AKAP13: variants seen among roughly 807,000 people sequenced by gnomAD.
AKAP13 encodes A-kinase anchoring protein 13.
AKAP13 carries 80 observed loss-of-function variants against 264.5 expected under a neutral mutation model. The observed-to-expected ratio is 0.30, with a 90% confidence interval of 0.25 to 0.36. AKAP13 has a LOEUF of 0.36. Ranked by LOEUF, AKAP13 falls within the 10% of genes least tolerant of loss-of-function variation. The pLI is 1.00. For missense variants in AKAP13, 3,712 were observed against 3,435.2 expected, an observed-to-expected ratio of 1.08 and a Z score of -2.01; for synonymous variants, 1,380 against 1,250.2, an observed-to-expected ratio of 1.10 and a Z score of -2.19.
At chr15:85,422,451 A>G (rs2072567089) in intron 1 of AKAP13, among the ~76,000 whole-genome samples, 1 of 152,216 alleles carries the variant, frequency 6.6e-6, no homozygotes, top group African/African-American at 2.4e-5. Context: ...TACTCTGTTC[A>G]GTTTTCAAGT....
chr15:85,587,508 A>G (rs904187307), intron 8 of AKAP13, among the ~76,000 whole-genome samples: 8 of 152,222 alleles, frequency 5.3e-5, no homozygotes, highest in Non-Finnish European at 8.8e-5. Context: ...TTTGTGTACA[A>G]AATTATGTGG....
At chr15:85,620,312 G>A in intron 8 of AKAP13, 1 of 757,422 alleles carries the variant, frequency 1.3e-6, no homozygotes, top group Admixed American at 2.6e-5. Flanking sequence ...AGGGGTGAAT[G>A]TAAGCCTCTT....
At chr15:85,593,924 T>G (rs938050881) in intron 8 of AKAP13, among the ~76,000 whole-genome samples, 1 of 152,238 alleles carries the variant, frequency 6.6e-6, no homozygotes, top group African/African-American at 2.4e-5. Context: ...TTTGATTCAT[T>G]TATTTAGAGG....
intron 2 of AKAP13, among the ~76,000 whole-genome samples, chr15:85,499,534 A>C (rs1427568451): frequency 6.6e-6 from 1 of 152,176 alleles, no homozygotes; most frequent in East Asian, 1.9e-4. Context: ...ATCCCTAGCC[A>C]TGGATCCCGT....
chr15:85,661,582 G>A (rs2083347811), intron 12 of AKAP13, among the ~76,000 whole-genome samples: 2 of 152,096 alleles, frequency 1.3e-5, no homozygotes, highest in South Asian at 2.1e-4. Context: ...TTAGCTGGGT[G>A]TGGTGGTGCA....
At chr15:85,641,445 C>CAAATAAAT (rs199664618) in intron 9 of AKAP13, among the ~76,000 whole-genome samples, 89 of 97,412 alleles carry the variant, frequency 9.1e-4, no homozygotes, top group African/African-American at 1.9e-3. Context: ...GACTCCATCT[C>CAAATAAAT]AAATAAATAA....
chr15:85,585,877 C>A (rs778304144), intron 8 of AKAP13, 54 bp downstream of exon 8: 135 of 1,591,426 alleles, frequency 8.5e-5, no homozygotes, highest in Non-Finnish European at 1.1e-4. Context: ...TCCTGTTCTG[C>A]TGTGTCTTAT....
intron 1 of AKAP13, among the ~76,000 whole-genome samples, chr15:85,385,052 T>A (rs1401716453): frequency 6.6e-6 from 1 of 152,226 alleles, no homozygotes; most frequent in Non-Finnish European, 1.5e-5. Context: ...TTTATGTCAC[T>A]CTGTAAGCTC....
chr15:85,694,444 GAGT>G (rs1215589600), intron 17 of AKAP13, among the ~76,000 whole-genome samples: 1 of 152,222 alleles, frequency 6.6e-6, no homozygotes, highest in Non-Finnish European at 1.5e-5. Context: ...ATAAACCAAT[GAGT>G]GTGATTCCAA....
At position 85,581,684 on chromosome 15, in the gene AKAP13, G is replaced by T. The variant is rs992564030; in HGVS notation, c.3616G>T (p.Asp1206Tyr). ...PTDMELSAHD[D>Y]GAPAGVREVM... ...AGACATGGAGCTCTCAGCCCATGATGATGGGGCCCCAGCTGGTGTGAGGGA... is the reference window on the plus strand; with the variant it reads ...AGACATGGAGCTCTCAGCCCATGATTATGGGGCCCCAGCTGGTGTGAGGGA... Residue 1206 changes from aspartate (D) to tyrosine (Y), a missense_variant, in exon 7 of 37, where the codon GAT becomes TAT. Physicochemically the swap from Asp to Tyr is radical, Grantham distance 160 (BLOSUM62 -3). Transcript: ENST00000394518. 6.2e-7 allele frequency: 1 copy of T among 1,614,156 alleles called. No homozygotes were observed.
chr15:85,536,933 T>C (rs768111655), intron 4 of AKAP13: 1 of 152,134 alleles, frequency 6.6e-6, no homozygotes, highest in Non-Finnish European at 1.5e-5. Context: ...TTAAAACTCA[T>C]AGGAGTGTAC....
intron 2 of AKAP13, among the ~76,000 whole-genome samples, chr15:85,501,831 G>T (rs1314967326): frequency 3.3e-5 from 5 of 152,186 alleles, no homozygotes. Flanking sequence ...ACCCTGCATG[G>T]TGTAGGGAAG....
At chr15:85,690,188 T>A (rs1409488350) in intron 16 of AKAP13, 1 of 152,252 alleles carries the variant, frequency 6.6e-6, no homozygotes, top group Non-Finnish European at 1.5e-5. Flanking sequence ...TTTGTTTCCA[T>A]CCTGGGAAGA....
chr15:85,717,472 A>T, intron 21 of AKAP13, 70 bp downstream of exon 21: 1 of 1,057,812 alleles, frequency 9.5e-7, no homozygotes, highest in Non-Finnish European at 1.4e-6. Flanking sequence ...CCTAGAACAT[A>T]AGTCTTAATG....
intron 4 of AKAP13, among the ~76,000 whole-genome samples, chr15:85,539,706 A>G (rs573105375): frequency 6.6e-6 from 1 of 152,198 alleles, no homozygotes; most frequent in Non-Finnish European, 1.5e-5. Flanking sequence ...GCATATAAGT[A>G]AATAGAAAGC....
At position 85,710,609 on chromosome 15, in the gene AKAP13, A is replaced by G. The variant is rs2086586221; in HGVS notation, c.5563A>G (p.Thr1855Ala). 6.2e-7 allele frequency: 1 copy of G among 1,613,986 alleles called. No individual in the cohort carries two copies. Among genetic ancestry groups the G allele is most frequent in the Non-Finnish European group, 8.5e-7 (1 of 1,179,934 alleles). ...QPKGSLQAHD[T>A]SSLPTVIMRN... ...CAAAGGGAGCCTTCAGGCACATGAC[A>G]CATCATCACTGCCCACGGTCATTAT... is the stretch of plus-strand genomic sequence containing the variant. The change falls in exon 19 of 37, where the codon ACA becomes GCA. Residue 1855 changes from threonine to alanine, a missense_variant. Thr to Ala is a moderately conservative substitution (Grantham distance 58). Around this residue, in one of 3 missense-constraint regions of AKAP13, gnomAD observed 2,759 missense variants for 2,411.7 expected, o/e 1.14. Transcript: ENST00000394518.
chr15:85,706,244 G>T (rs2086246208), intron 17 of AKAP13, among the ~76,000 whole-genome samples: 1 of 152,148 alleles, frequency 6.6e-6, no homozygotes, highest in Admixed American at 6.5e-5. Context: ...CAAGTCCTGG[G>T]CATCTCTGTG....
At chr15:85,408,356 T>A (rs1049052234) in intron 1 of AKAP13, among the ~76,000 whole-genome samples, 1 of 151,882 alleles carries the variant, frequency 6.6e-6, no homozygotes, top group Non-Finnish European at 1.5e-5. Flanking sequence ...TAATCATTTT[T>A]AAGTGCAGAG....
At chr15:85,401,998 A>C (rs554662397) in intron 1 of AKAP13, among the ~76,000 whole-genome samples, 1 of 152,224 alleles carries the variant, frequency 6.6e-6, no homozygotes, top group Non-Finnish European at 1.5e-5. Flanking sequence ...CAGACACTGG[A>C]TTAGGATTCA....
Sources: gnomAD v4.1 joint callset for allele counts (sites outside exome capture counted in the v4.1 genomes callset) on GRCh38, gnomAD v4.1.1 for gene constraint, gnomAD v4.1.1 regional missense constraint, MANE v1.5 for transcripts, NCBI Gene and HGNC (gene_info 2026-07-23, HGNC 2026-07-21) for gene names.